The following ARHGEF37 variants were observed in gnomAD, a reference collection of about 807,000 sequenced individuals.
ARHGEF37 encodes Rho guanine nucleotide exchange factor 37, also known as Rho guanine nucleotide exchange factor (GEF) 37.
Under a neutral mutation model 71.1 loss-of-function variants are expected in ARHGEF37, and 55 were observed. The ratio of observed to expected loss-of-function variants is 0.77; its 90% CI spans 0.62 to 0.97. The LOEUF is 0.97. Among genes scored for constraint, ARHGEF37 ranks in the 50% least tolerant of loss-of-function variants. The pLI is 0.00. For missense variants in ARHGEF37, 765 were observed against 836.8 expected (o/e 0.91, Z 1.06); for synonymous variants, 327 against 350.6 (o/e 0.93, Z 0.75).
Position 149,624,003 on chromosome 5 carries a change from C to G in ARHGEF37, c.1336-9C>G, listed in dbSNP as rs376870959. 67 of 1,589,462 alleles carry G rather than the reference C, an allele frequency of 4.2e-5. No homozygotes were observed. In the African/African-American group the frequency reaches 7.4e-4, roughly 17 times the overall value. ...CCCAGCTCTGTTGACAGTGTCTGTC[C>G]CCACTTAGCTGCCCCACCACCACGT... is the stretch of plus-strand genomic sequence containing the variant. On this transcript the variant is annotated splice_polypyrimidine_tract_variant and intron_variant, in intron 9 of 12. Transcript: ENST00000333677.
rs1016002720 is a variant in ARHGEF37 at position 149,600,574 on chromosome 5, G to A, written c.187-534G>A. Among the ~76,000 whole-genome samples the A allele has an allele frequency of 2.6e-5, 4 of 152,096 alleles. No individual in the cohort carries two copies. The East Asian group carries it at 5.8e-4, about 22-fold the overall frequency. ...GGCAGCAGACCTAGGCTAAAACCCC[G>A]GTTCAGCTTTTCTTCCCCACTGAGT... On this transcript the variant is annotated intron_variant, in intron 2 of 12. Transcript: ENST00000333677.
chr5:149,569,050 A>G (rs932835202), intron 1 of ARHGEF37, among the ~76,000 whole-genome samples: 7 of 152,088 alleles, frequency 4.6e-5, no homozygotes, highest in African/African-American at 1.7e-4. Flanking sequence ...TGTGAGATAC[A>G]TTCATGTTGT....
At chr5:149,604,920 A>G (rs1763871657) in intron 3 of ARHGEF37, among the ~76,000 whole-genome samples, 1 of 151,688 alleles carries the variant, frequency 6.6e-6, no homozygotes, top group African/African-American at 2.4e-5. Flanking sequence ...TGGCCCAGCA[A>G]CAGCATTTTG....
Position 149,601,154 on chromosome 5 carries a change from T to C in ARHGEF37, c.233T>C (p.Ile78Thr), listed in dbSNP as rs1192738132. ...LDVLFSNIDD[I>T]IKVNSRFLHD... ...GTCCTGTTCTCAAACATTGATGATA[T>C]CATCAAAGTGAACAGCAGATTCCTC... The change falls in exon 3 of 13, where the codon ATC (isoleucine) becomes ACC (threonine). Residue 78 changes from isoleucine to threonine, a missense_variant. Ile to Thr is a moderately conservative substitution (Grantham distance 89). Coordinates refer to ENST00000333677, the MANE Select transcript of ARHGEF37 (RefSeq NM_001001669.3). The C allele has an allele frequency of 6.2e-7, 1 of 1,613,248 alleles. No individual in the cohort carries two copies. The highest frequency in any genetic ancestry group is 1.6e-4 in the Middle Eastern group (1 of 6,062).
At chr5:149,624,944 G>A (rs1166564743) in intron 10 of ARHGEF37, among the ~76,000 whole-genome samples, 1 of 133,610 alleles carries the variant, frequency 7.5e-6, no homozygotes, top group African/African-American at 2.8e-5. Context: ...TGTCGCCCAG[G>A]GTGGAGTGCA....
At chr5:149,551,770 T>C (rs1762672055), upstream of ARHGEF37, among the ~76,000 whole-genome samples, 1 of 152,238 alleles carries the variant, frequency 6.6e-6, no homozygotes, top group Non-Finnish European at 1.5e-5. Context: ...TAAGGCCTCC[T>C]TAGGAGTTGG....
chr5:149,567,722 C>A (rs573831861), intron 1 of ARHGEF37, among the ~76,000 whole-genome samples: 3 of 152,324 alleles, frequency 2.0e-5, no homozygotes, highest in East Asian at 3.9e-4. Context: ...GTCCTTTGGG[C>A]TCCTATGTTC....
At chr5:149,565,358 G>A (rs909927375) in intron 1 of ARHGEF37, among the ~76,000 whole-genome samples, 2 of 152,158 alleles carry the variant, frequency 1.3e-5, no homozygotes, top group Non-Finnish European at 2.9e-5. Flanking sequence ...CTCAGCATTA[G>A]CACACTGGGT....
chr5:149,585,459 A>C (rs1763205167), intron 1 of ARHGEF37, among the ~76,000 whole-genome samples: 1 of 152,238 alleles, frequency 6.6e-6, no homozygotes, highest in African/African-American at 2.4e-5. Flanking sequence ...AATGGATCTC[A>C]AAATAATTTT....
intron 3 of ARHGEF37, among the ~76,000 whole-genome samples, chr5:149,603,834 T>A (rs748842681): frequency 5.9e-5 from 9 of 151,966 alleles, no homozygotes; most frequent in Non-Finnish European, 1.2e-4. Flanking sequence ...TATGCAGGAG[T>A]CTGAGGCACG....
At chr5:149,592,240 T>C (rs1763427979) in intron 1 of ARHGEF37, among the ~76,000 whole-genome samples, 1 of 152,210 alleles carries the variant, frequency 6.6e-6, no homozygotes. Flanking sequence ...CAGAATATTC[T>C]GTTGTAGACA....
chr5:149,618,860 G>T, intron 6 of ARHGEF37, 78 bp from the exon 7 acceptor site: 1 of 1,206,884 alleles, frequency 8.3e-7, no homozygotes, highest in Middle Eastern at 1.9e-4. Context: ...GGTTGTCCCA[G>T]TGAGGACCTG....
chr5:149,573,997 C>A (rs566356736), intron 1 of ARHGEF37, among the ~76,000 whole-genome samples: 1 of 152,154 alleles, frequency 6.6e-6, no homozygotes, highest in African/African-American at 2.4e-5. Context: ...AATAAACATC[C>A]TTATGCGAAT....
chr5:149,620,354 G>T lies in ARHGEF37; in HGVS notation c.895G>T (p.Ala299Ser). 1 of 1,606,642 alleles carries T rather than the reference G, an allele frequency of 6.2e-7. No individual in the cohort carries two copies. Among genetic ancestry groups the T allele is most frequent in the Non-Finnish European group, 8.5e-7 (1 of 1,176,738 alleles). Reference protein sequence around the residue: ...NVAAYLDNLQAFLYFRPHEYN... With the variant: ...NVAAYLDNLQSFLYFRPHEYN... ...TGTTTCTCCTTGGTACTGGGTCCAG[G>T]CTTTCCTCTACTTCAGGCCGCACGA... is the stretch of plus-strand genomic sequence containing the variant. Residue 299 changes from alanine (A) to serine (S), a missense_variant and splice_region_variant, in exon 8 of 13, where the codon GCT (alanine) becomes TCT (serine). Transcript: ENST00000333677.
upstream of ARHGEF37, among the ~76,000 whole-genome samples, chr5:149,576,608 T>C (rs1763031651): frequency 6.6e-6 from 1 of 152,242 alleles, no homozygotes; most frequent in African/African-American, 2.4e-5. Context: ...GTGATAAATG[T>C]GTGAGCCACC....
chr5:149,615,618 G>A (rs774978450), intron 4 of ARHGEF37, among the ~76,000 whole-genome samples: 2 of 152,058 alleles, frequency 1.3e-5, no homozygotes, highest in African/African-American at 2.4e-5. Context: ...TTGGTCGGGT[G>A]TGGTGGCTCA....
At chr5:149,557,011 T>C (rs1762764794) in intron 1 of ARHGEF37, among the ~76,000 whole-genome samples, 1 of 152,234 alleles carries the variant, frequency 6.6e-6, no homozygotes, top group African/African-American at 2.4e-5. Context: ...GTTCTCCCCC[T>C]CTGCATTGTC....
chr5:149,578,731 C>G (rs996590620), upstream of ARHGEF37, among the ~76,000 whole-genome samples: 10 of 152,150 alleles, frequency 6.6e-5, no homozygotes, highest in Admixed American at 2.6e-4. Flanking sequence ...TTAGTGTCAC[C>G]GAGGGCAAGG....
At chr5:149,624,423 A>G (rs1440989790) in intron 10 of ARHGEF37, among the ~76,000 whole-genome samples, 2 of 152,242 alleles carry the variant, frequency 1.3e-5, no homozygotes, top group African/African-American at 2.4e-5. Context: ...ATTAGACGTA[A>G]TGATGGGCAA....
Sources: allele counts gnomAD v4.1 joint callset (sites outside exome capture counted in the v4.1 genomes callset), GRCh38; gene constraint gnomAD v4.1.1; transcripts MANE v1.5; gene names NCBI Gene and HGNC (gene_info 2026-07-23, HGNC 2026-07-21).